ZNF653: variants seen among roughly 807,000 people sequenced by gnomAD.
ZNF653 encodes the protein 67 kDa zinc finger protein.
A neutral mutation model predicts 59.9 loss-of-function variants in ZNF653; 37 were observed. The ratio of observed to expected loss-of-function variants is 0.62; its 90% CI spans 0.48 to 0.81. The LOEUF (loss-of-function observed/expected upper bound fraction) is 0.81, where lower values mean the gene tolerates loss of function less well. Among genes scored for constraint, ZNF653 ranks in the 40% least tolerant of loss-of-function variants. ZNF653 has a pLI of 0.00. For missense variants in ZNF653, 808 were observed against 881.1 expected, an observed-to-expected ratio of 0.92 and a Z score of 1.05; for synonymous variants, 435 against 371.8, an observed-to-expected ratio of 1.17 and a Z score of -1.96.
rs749339957 is a variant in ZNF653 at position 11,483,846 on chromosome 19, CA to C, written c.1683del (p.Cys561TrpfsTer15). 1 of 1,592,794 alleles carries C rather than the reference CA, an allele frequency of 6.3e-7. No homozygotes were observed. Among genetic ancestry groups the C allele is most frequent in the Admixed American group, 1.7e-5 (1 of 58,024 alleles). ...TGETPLQCEI[C>X]GYQCRQRASL... ...GACGCGCGCTGCCGGCACTGGTAGCCACAGATCTCGCACCTGCCGGGAGCCC... is the reference window on the plus strand; with the variant it reads ...GACGCGCGCTGCCGGCACTGGTAGCCCAGATCTCGCACCTGCCGGGAGCCC... On this transcript the variant is annotated frameshift_variant, in exon 9 of 9. Transcript: ENST00000293771. LOFTEE classifies it high-confidence loss of function.
At chr19:11,499,249 G>A (rs1042752124) in intron 1 of ZNF653, among the ~76,000 whole-genome samples, 2 of 152,244 alleles carry the variant, frequency 1.3e-5, no homozygotes, top group South Asian at 4.1e-4. Flanking sequence ...TTGTGTGGAA[G>A]CAGAATTCCA....
At position 11,503,182 on chromosome 19, in the gene ZNF653, C is replaced by T. The variant is rs374146686; in HGVS notation, c.299+2306G>A. Reference sequence around the variant, plus strand: ...CTCTCCATGGCTCTGGATGACCTTCCCTGTCACCAATCTGTCCTTGTCTTC... The same window carrying T: ...CTCTCCATGGCTCTGGATGACCTTCTCTGTCACCAATCTGTCCTTGTCTTC... On this transcript the variant is annotated intron_variant, in intron 1 of 8. Transcript: ENST00000293771. Among the ~76,000 whole-genome samples, 56 of 152,306 alleles carry T rather than the reference C, an allele frequency of 3.7e-4. 1 individual carries two copies. In the South Asian group the frequency reaches 9.7e-3, roughly 26 times the overall value.
intron 1 of ZNF653, among the ~76,000 whole-genome samples, chr19:11,500,973 C>G (rs1971637915): frequency 6.6e-6 from 1 of 152,154 alleles, no homozygotes; most frequent in African/African-American, 2.4e-5. Flanking sequence ...CAACTTCTGC[C>G]ACTTCTCTGT....
intron 7 of ZNF653, 72 bp from the exon 8 acceptor site, chr19:11,484,213 G>T: frequency 1.7e-6 from 2 of 1,185,058 alleles, no homozygotes; most frequent in Non-Finnish European, 2.4e-6. Flanking sequence ...AGACTCTGAT[G>T]CTAGAAGGAG....
chr19:11,484,922 C>T (rs1458295844), intron 7 of ZNF653, among the ~76,000 whole-genome samples: 1 of 151,054 alleles, frequency 6.6e-6, no homozygotes, highest in African/African-American at 2.4e-5. Flanking sequence ...TGGTGGTGAG[C>T]GCCTGTAATC....
intron 1 of ZNF653, among the ~76,000 whole-genome samples, chr19:11,498,730 C>T (rs1568396934): frequency 6.6e-6 from 1 of 150,792 alleles, no homozygotes; most frequent in Admixed American, 6.6e-5. Flanking sequence ...AGGCATGAGC[C>T]GCCACGCCTG....
At chr19:11,497,480 G>A (rs1482738742) in intron 2 of ZNF653, among the ~76,000 whole-genome samples, 1 of 152,222 alleles carries the variant, frequency 6.6e-6, no homozygotes, top group East Asian at 1.9e-4. Context: ...CTAGGCTGGG[G>A]AGAATAAGGG....
chr19:11,505,822 A>T lies in ZNF653; in HGVS notation c.-36T>A, dbSNP rs1181417040. 2 of 1,299,406 alleles carry T rather than the reference A, an allele frequency of 1.5e-6. No homozygotes were observed. The highest frequency in any genetic ancestry group is 2.9e-4 in the Middle Eastern group (1 of 3,486). 80.5% of individuals were successfully genotyped at this position (1,299,406 alleles called of 1,614,324 possible). Reference sequence around the variant, plus strand: ...CTGGTTACCAGCCTCCCCCGTTGTTAGGAGCCAGACCGGAAGTGGCGCGCA... The same window carrying T: ...CTGGTTACCAGCCTCCCCCGTTGTTTGGAGCCAGACCGGAAGTGGCGCGCA... On this transcript the variant is annotated 5_prime_UTR_variant, in exon 1 of 9. Transcript: ENST00000293771.
rs1364699030 is a variant in ZNF653 at position 11,495,779 on chromosome 19, G to T, written c.559+171C>A. 2 of 669,194 alleles carry T rather than the reference G, an allele frequency of 3.0e-6. No individual in the cohort carries two copies. Among genetic ancestry groups the T allele is most frequent in the Non-Finnish European group, 5.0e-6 (2 of 396,384 alleles). 41.5% of individuals were successfully genotyped at this position (669,194 alleles called of 1,614,324 possible). A position where few individuals can be genotyped will look rare whatever the true frequency, so the allele number is the denominator to read the frequency against. On this transcript the variant is annotated intron_variant, in intron 3 of 8. Coordinates refer to ENST00000293771, the MANE Select transcript of ZNF653 (RefSeq NM_138783.4). The surrounding 1 kb of genome is among the most constrained non-coding windows in gnomAD (Gnocchi z 4.9). ...CAAGCTCTGTAAGGACGCAAAGAGGGCAAGGCCACGAAGGACTCAGCCTGG... is the reference window on the plus strand; with the variant it reads ...CAAGCTCTGTAAGGACGCAAAGAGGTCAAGGCCACGAAGGACTCAGCCTGG...
In ZNF653 at chr19:11,483,777, T is replaced by C. The variant is rs1278483568; in HGVS notation, c.1753A>G (p.Asn585Asp). Residue 585 changes from asparagine (N) to aspartate (D), a missense_variant, in exon 9 of 9, where the codon AAC becomes GAC. Coordinates refer to ENST00000293771, the MANE Select transcript of ZNF653 (RefSeq NM_138783.4). ...TTCCCGCAGCGATCGCACGTGAAGT[T>C]GTACTGCACCTCCGCAGTGTGCTTC... ...MKKHTAEVQY[N>D]FTCDRCGKRF... is the part of the protein sequence containing the mutation. The C allele has an allele frequency of 6.2e-7, 1 of 1,613,322 alleles. No homozygotes were observed. The highest frequency in any genetic ancestry group is 1.3e-5 in the African/African-American group (1 of 74,896).
Position 11,483,779 on chromosome 19 carries a change from T to A in ZNF653, c.1751A>T (p.Tyr584Phe), listed in dbSNP as rs1295986622. The change falls in exon 9 of 9, where the codon TAC (tyrosine) becomes TTC (phenylalanine). Residue 584 changes from tyrosine to phenylalanine, a missense_variant. Physicochemically the swap from Tyr to Phe is conservative, Grantham distance 22. Transcript: ENST00000293771. ...CCCGCAGCGATCGCACGTGAAGTTG[T>A]ACTGCACCTCCGCAGTGTGCTTCTT... ...HMKKHTAEVQ[Y>F]NFTCDRCGKR... is the part of the protein sequence containing the mutation. 2 of 1,613,388 alleles carry A rather than the reference T, an allele frequency of 1.2e-6. No individual in the cohort carries two copies. Among genetic ancestry groups the A allele is most frequent in the South Asian group, 2.2e-5 (2 of 91,008 alleles).
chr19:11,504,130 G>C lies in ZNF653; in HGVS notation c.299+1358C>G, dbSNP rs562094637. ...AAAAAGAAAAACGAGGGCCGGGCGC[G>C]GTGGCTCACGCCTGTAATCCCAGCA... On this transcript the variant is annotated intron_variant, in intron 1 of 8. Coordinates refer to ENST00000293771, the MANE Select transcript of ZNF653 (RefSeq NM_138783.4). Among the ~76,000 whole-genome samples the C allele has an allele frequency of 2.6e-5, 4 of 151,954 alleles. No homozygotes were observed. The East Asian group carries it at 5.8e-4, about 22-fold the overall frequency.
chr19:11,485,835 G>C, intron 6 of ZNF653, 65 bp from the exon 7 acceptor site: 1 of 1,295,920 alleles, frequency 7.7e-7, no homozygotes, highest in Non-Finnish European at 1.1e-6. Context: ...GAGGTGGGGA[G>C]AGATGAGGGC....
At chr19:11,503,030 T>C (rs1335010359) in intron 1 of ZNF653, among the ~76,000 whole-genome samples, 5 of 142,592 alleles carry the variant, frequency 3.5e-5, no homozygotes, top group Admixed American at 3.5e-4. Flanking sequence ...CAAGACTCCA[T>C]CTCAAAAAAA....
At chr19:11,488,149 G>A (rs1028676234) in intron 3 of ZNF653, among the ~76,000 whole-genome samples, 3 of 138,934 alleles carry the variant, frequency 2.2e-5, no homozygotes, top group African/African-American at 8.2e-5. Flanking sequence ...CACCACACCT[G>A]GCTTTTTTTT....
Position 11,487,578 on chromosome 19 carries a change from G to T in ZNF653, c.885C>A (p.Asn295Lys). 6.2e-7 allele frequency: 1 copy of T among 1,613,948 alleles called. No homozygotes were observed. The highest frequency in any genetic ancestry group is 8.5e-7 in the Non-Finnish European group (1 of 1,179,980). ...VGAGPSALFE[N>K]VPQEALGEVV... The stretch of plus-strand genomic sequence containing the variant: ...CCTCACCCAGGGCCTCCTGGGGCAC[G>T]TTCTCAAAGAGGGCGCTGGGGCCCG... Residue 295 changes from asparagine to lysine, a missense_variant, in exon 4 of 9, where the codon AAC (asparagine) becomes AAA (lysine). Transcript: ENST00000293771. This position sits in a 1 kb window ranked among gnomAD's most constrained non-coding sequence, Gnocchi z 5.1.
chr19:11,497,628 C>T (rs948870022), intron 2 of ZNF653, among the ~76,000 whole-genome samples: 5 of 152,114 alleles, frequency 3.3e-5, no homozygotes, highest in African/African-American at 9.7e-5. Context: ...CAGCCAAGTG[C>T]GAGGACAGCA....
chr19:11,484,110 G>A lies in ZNF653; in HGVS notation c.1602C>T (p.Gly534=). The part of the protein sequence containing the change: ...GVREFTCETC[G]KSFKRKNHLE... Reference sequence around the variant, plus strand: ...GGTGGTTCTTCCTCTTGAAGGACTTGCCGCAGGTCTCGCAGGTGAATTCAC... The same window carrying A: ...GGTGGTTCTTCCTCTTGAAGGACTTACCGCAGGTCTCGCAGGTGAATTCAC... Residue 534 remains glycine, a synonymous_variant, in exon 8 of 9, where the codon GGC becomes GGT. Coordinates refer to ENST00000293771, the MANE Select transcript of ZNF653 (RefSeq NM_138783.4). 6.4e-7 allele frequency: 1 copy of A among 1,556,492 alleles called. No homozygotes were observed. Among genetic ancestry groups the A allele is most frequent in the South Asian group, 1.2e-5 (1 of 84,438 alleles).
chr19:11,494,379 TAA>T (rs879403109), intron 3 of ZNF653, among the ~76,000 whole-genome samples: 4,231 of 125,096 alleles, frequency 0.034, 69 homozygotes, highest in African/African-American at 0.062. Flanking sequence ...TAACATAACA[TAA>T]AACATAACAT....
Sources: allele counts gnomAD v4.1 joint callset (sites outside exome capture counted in the v4.1 genomes callset), GRCh38; gene constraint gnomAD v4.1.1; non-coding constraint Gnocchi (gnomAD v3.1); transcripts MANE v1.5; gene names NCBI Gene and HGNC (gene_info 2026-07-23, HGNC 2026-07-21).